CDHR3: variants seen among roughly 807,000 people sequenced by gnomAD.
CDHR3 encodes the protein cadherin related family member 3.
CDHR3 carries 79 observed loss-of-function variants against 86.6 expected under a neutral mutation model. The observed-to-expected ratio is 0.91, with a 90% confidence interval of 0.76 to 1.10. The LOEUF is 1.10. Among genes scored for constraint, CDHR3 ranks in the 50% least tolerant of loss-of-function variants. The probability of loss-of-function intolerance (pLI) is 0.00; values close to 1 mark genes in which losing one functional copy is unlikely to be tolerated. For synonymous variants in CDHR3, 421 were observed against 402.4 expected, an observed-to-expected ratio of 1.05 and a Z score of -0.55; for missense variants, 1,081 against 1,077.6, an observed-to-expected ratio of 1.00 and a Z score of -0.04.
In CDHR3 at chr7:105,996,478, T is replaced by G. The variant is rs1832248765; in HGVS notation, c.713+124T>G. ...CCTTTGCTGTGGCCTGCAGGAAAGA[T>G]TAGAGGCACGTGCTCTTCAGAGTCT... On this transcript the variant is annotated intron_variant, in intron 6 of 18. Coordinates refer to ENST00000317716, the MANE Select transcript of CDHR3 (RefSeq NM_152750.5). 9.1e-6 allele frequency: 5 copies of G among 551,960 alleles called. No individual in the cohort carries two copies. In the East Asian group the frequency reaches 1.4e-4, roughly 16 times the overall value. The allele number at this position is 551,960 out of a possible 1,614,324, so 34.2% of individuals were successfully genotyped here.
intron 8 of CDHR3, chr7:106,004,941 G>T: frequency 2.0e-6 from 1 of 493,694 alleles, no homozygotes; most frequent in Non-Finnish European, 3.6e-6. Flanking sequence ...TTTTTATTTT[G>T]CTCCCTTCTA....
chr7:106,001,651 C>T (rs1181679943), intron 7 of CDHR3, 41 bp downstream of exon 7: 1 of 1,609,420 alleles, frequency 6.2e-7, no homozygotes, highest in East Asian at 2.2e-5. Flanking sequence ...TCCTCTAATT[C>T]AGCCATGTGG....
intron 1 of CDHR3, among the ~76,000 whole-genome samples, chr7:105,963,636 G>A (rs1244862528): frequency 6.6e-6 from 1 of 152,206 alleles, no homozygotes; most frequent in Non-Finnish European, 1.5e-5. Context: ...GCATTTGGTA[G>A]TCCTCCTGAG....
At chr7:106,028,084 T>C (rs1013118888) in intron 16 of CDHR3, among the ~76,000 whole-genome samples, 31 of 151,140 alleles carry the variant, frequency 2.1e-4, no homozygotes, top group African/African-American at 7.6e-4. Flanking sequence ...GTGACCGCAC[T>C]CTAGCCTGGA....
chr7:105,984,340 A>G, intron 4 of CDHR3, 51 bp downstream of exon 4: 1 of 1,423,620 alleles, frequency 7.0e-7, no homozygotes, highest in Non-Finnish European at 9.7e-7. Flanking sequence ...TGGGTTAGAC[A>G]CAGGAGCCTG....
chr7:106,030,294 C>T lies in CDHR3; in HGVS notation c.2305-498C>T, dbSNP rs1838132668. On this transcript the variant is annotated intron_variant, in intron 17 of 18. Coordinates refer to ENST00000317716, the MANE Select transcript of CDHR3 (RefSeq NM_152750.5). This position sits in a 1 kb window ranked among gnomAD's most constrained non-coding sequence, Gnocchi z 4.8. ...AGGCCCAGATGCGACACTGCATTGG[C>T]CTAGGCAAGGGGAGGCCGCAGGGGA... 1.3e-5 allele frequency among the ~76,000 whole-genome samples: 2 copies of T among 152,196 alleles called. No individual in the cohort carries two copies. Among genetic ancestry groups the T allele is most frequent in the South Asian group, 4.1e-4 (2 of 4,836 alleles).
intron 1 of CDHR3, among the ~76,000 whole-genome samples, chr7:105,970,582 G>A (rs1244139354): frequency 6.6e-6 from 1 of 152,156 alleles, no homozygotes; most frequent in Non-Finnish European, 1.5e-5. Context: ...TGGAAGGAAA[G>A]TATGCGGTGT....
chr7:105,988,196 C>T (rs933871419), intron 4 of CDHR3, among the ~76,000 whole-genome samples: 5 of 152,168 alleles, frequency 3.3e-5, no homozygotes, highest in East Asian at 1.9e-4. Context: ...GTGGAAACAC[C>T]GGTTTATAAG....
At chr7:105,964,993 G>A (rs73195629) in intron 1 of CDHR3, among the ~76,000 whole-genome samples, 2,506 of 152,190 alleles carry the variant, frequency 0.016, 28 homozygotes, top group Non-Finnish European at 0.023. Context: ...AAAGAGTGAG[G>A]TTAGGAAGAA....
intron 1 of CDHR3, among the ~76,000 whole-genome samples, chr7:105,973,971 A>G (rs1211876820): frequency 6.6e-6 from 1 of 152,130 alleles, no homozygotes; most frequent in Non-Finnish European, 1.5e-5. Flanking sequence ...ACAAAAACAA[A>G]TAAGGTCATT....
At chr7:105,969,333 G>C (rs1355529267) in intron 1 of CDHR3, among the ~76,000 whole-genome samples, 1 of 146,172 alleles carries the variant, frequency 6.8e-6, no homozygotes, top group East Asian at 2.0e-4. Context: ...CCAGGGGGCG[G>C]AGCCTGCAGT....
chr7:106,028,638 G>A (rs538553075), intron 17 of CDHR3, 56 bp downstream of exon 17: 126 of 1,593,554 alleles, frequency 7.9e-5, no homozygotes, highest in Non-Finnish European at 1.0e-4. Flanking sequence ...AGGGGCTCCC[G>A]TCTCCCCCGA....
rs1167671014 is a variant in CDHR3, at chr7:106,028,916, TTTTCTTTCTTTCTTTCTTTCTTTCTTTC to T, written c.2304+386_2304+413del. On this transcript the variant is annotated intron_variant, in intron 17 of 18. Coordinates refer to ENST00000317716, the MANE Select transcript of CDHR3 (RefSeq NM_152750.5). ...GCTTCAGCCTCCAGTGAGATTTAAATTTTCTTTCTTTCTTTCTTTCTTTCTTTCTTTCTTTCTTTCTTTCTTTCTTTCT... is the reference window on the plus strand; with the variant it reads ...GCTTCAGCCTCCAGTGAGATTTAAATTTTCTTTCTTTCTTTCTTTCTTTCT... Among the ~76,000 whole-genome samples, 32 of 83,082 alleles carry T rather than the reference TTTTCTTTCTTTCTTTCTTTCTTTCTTTC, an allele frequency of 3.9e-4. No homozygotes were observed. In the South Asian group the frequency reaches 5.3e-3, roughly 14 times the overall value. The allele number at this position is 83,082 out of a possible 152,430, so 54.5% of individuals were successfully genotyped here.
Position 106,004,565 on chromosome 7 carries a change from C to T in CDHR3, c.930C>T (p.Thr310=), listed in dbSNP as rs1833669278. 5.0e-6 allele frequency: 8 copies of T among 1,613,890 alleles called. No homozygotes were observed. The highest frequency in any genetic ancestry group is 1.3e-5 in the African/African-American group (1 of 74,936). The change falls in exon 8 of 19, where the codon ACC becomes ACT. Residue 310 remains threonine, a synonymous_variant. Coordinates refer to ENST00000317716, the MANE Select transcript of CDHR3 (RefSeq NM_152750.5). ...CAGGTGAATTGAGACAAAATCCCACCATTTCCCTGGAAGTTCTAGTGAAGG... is the reference window on the plus strand; with the variant it reads ...CAGGTGAATTGAGACAAAATCCCACTATTTCCCTGGAAGTTCTAGTGAAGG... ...RDAGELRQNP[T]ISLEVLVKDR...
chr7:106,026,797 C>T (rs1837421121), intron 16 of CDHR3, 102 bp downstream of exon 16: 1 of 1,222,024 alleles, frequency 8.2e-7, no homozygotes, highest in Admixed American at 1.7e-5. Flanking sequence ...GCGATCACAT[C>T]TTGGAGCATT....
intron 6 of CDHR3, among the ~76,000 whole-genome samples, chr7:106,000,785 G>A (rs535077959): frequency 2.0e-4 from 31 of 151,782 alleles, no homozygotes; most frequent in Admixed American, 2.6e-4. Flanking sequence ...GAAGGACAGT[G>A]ATGGGGCCTG....
intron 3 of CDHR3, among the ~76,000 whole-genome samples, chr7:105,983,949 C>A (rs1347881155): frequency 1.3e-5 from 2 of 152,318 alleles, no homozygotes; most frequent in East Asian, 3.9e-4. Context: ...CACCTCTCAA[C>A]AGAGGACATG....
intron 4 of CDHR3, among the ~76,000 whole-genome samples, chr7:105,991,182 C>G (rs1054375899): frequency 6.6e-6 from 1 of 152,174 alleles, no homozygotes; most frequent in Admixed American, 6.5e-5. Flanking sequence ...GAATGAATAT[C>G]AAGGGAGCAG....
intron 6 of CDHR3, among the ~76,000 whole-genome samples, chr7:105,997,825 C>T (rs182714791): frequency 3.9e-5 from 6 of 152,248 alleles, no homozygotes; most frequent in Admixed American, 1.3e-4. Flanking sequence ...ACATGACCCT[C>T]GCTGGCGTGG....
Sources: allele counts gnomAD v4.1 joint callset (sites outside exome capture counted in the v4.1 genomes callset), GRCh38; gene constraint gnomAD v4.1.1; non-coding constraint Gnocchi (gnomAD v3.1); transcripts MANE v1.5; gene names NCBI Gene and HGNC (gene_info 2026-07-23, HGNC 2026-07-21).